COX15: variants seen among roughly 807,000 people sequenced by gnomAD.
COX15 encodes the protein heme A synthase COX15.
A neutral mutation model predicts 51.9 loss-of-function variants in COX15; 51 were observed. The observed-to-expected ratio is 0.98, with a 90% confidence interval of 0.78 to 1.24. The LOEUF (loss-of-function observed/expected upper bound fraction) is 1.24. Ranked by LOEUF, COX15 falls within the 50% of genes most tolerant of loss-of-function variation. The pLI is 0.00. For missense variants in COX15, 420 were observed against 501.1 expected (o/e 0.84, Z 1.55); for synonymous variants, 188 against 190.5 (o/e 0.99, Z 0.11).
At position 99,714,479 on chromosome 10, in the gene COX15, G is replaced by A. The variant is rs1051576333; in HGVS notation, c.*108C>T. The A allele has an allele frequency of 3.2e-6, 5 of 1,584,046 alleles. No homozygotes were observed. The highest frequency in any genetic ancestry group is 4.3e-6 in the Non-Finnish European group (5 of 1,168,012). ...GATTTTTAAGTAAGTTGACCATTTG[G>A]AAACCACTTGGTATGTCAAGGTCAT... On this transcript the variant is annotated 3_prime_UTR_variant, in exon 9 of 9. Transcript: ENST00000016171.
chr10:99,698,654 A>G, the COX15 span: 1 of 1,614,202 alleles, frequency 6.2e-7, no homozygotes, highest in African/African-American at 1.3e-5. Flanking sequence ...GAGGAAGAGG[A>G]GACTGGGTGT....
intron 5 of COX15, among the ~76,000 whole-genome samples, chr10:99,723,736 A>T (rs1040968301): frequency 6.6e-6 from 1 of 152,176 alleles, no homozygotes; most frequent in African/African-American, 2.4e-5. Flanking sequence ...TCACTTTGCC[A>T]TCCACCATCC....
In COX15 at chr10:99,713,629, G is replaced by A; in HGVS notation, c.*958C>T. On this transcript the variant is annotated 3_prime_UTR_variant, in exon 9 of 9. Coordinates refer to ENST00000016171, the MANE Select transcript of COX15 (RefSeq NM_078470.6). The stretch of plus-strand genomic sequence containing the variant: ...ACCCTCTCAGGAACCAATTTATACT[G>A]TCGATTCCATTCCTCTCTCTGACCT... 2 of 1,127,452 alleles carry A rather than the reference G, an allele frequency of 1.8e-6. No homozygotes were observed. Among genetic ancestry groups the A allele is most frequent in the Non-Finnish European group, 2.5e-6 (2 of 790,908 alleles). The allele number at this position is 1,127,452 out of a possible 1,614,324, so 69.8% of individuals were successfully genotyped here. A position where few individuals can be genotyped will look rare whatever the true frequency, so the allele number is the denominator to read the frequency against.
At position 99,713,335 on chromosome 10, in the gene COX15, G is replaced by T; in HGVS notation, c.*1252C>A. ...TTTCTAATCTGTTTAATTTCATCTC[G>T]ATGGGGTCATTCTGGGACTGTTTTC... On this transcript the variant is annotated 3_prime_UTR_variant, in exon 9 of 9. Coordinates refer to ENST00000016171, the MANE Select transcript of COX15 (RefSeq NM_078470.6). 6.2e-7 allele frequency: 1 copy of T among 1,608,674 alleles called. No individual in the cohort carries two copies. The highest frequency in any genetic ancestry group is 8.5e-7 in the Non-Finnish European group (1 of 1,176,982).
chr10:99,721,000 A>G lies in COX15; in HGVS notation c.819T>C (p.Leu273=). The change falls in exon 6 of 9, where the codon CTT becomes CTC. Residue 273 remains leucine, a synonymous_variant. Transcript: ENST00000016171. ...FAHGTAGLVF[L]TALSGAFVAG... Reference sequence around the variant, plus strand: ...GCTGAGTCCTACCTGAGAGGGCCGTAAGGAACACCAGACCTGCTGTTCCAT... The same window carrying G: ...GCTGAGTCCTACCTGAGAGGGCCGTGAGGAACACCAGACCTGCTGTTCCAT... 9 of 1,613,780 alleles carry G rather than the reference A, an allele frequency of 5.6e-6. No individual in the cohort carries two copies. Among genetic ancestry groups the G allele is most frequent in the Non-Finnish European group, 7.6e-6 (9 of 1,179,886 alleles).
chr10:99,709,988 C>G (rs1049983162), downstream of COX15: 18 of 985,288 alleles, frequency 1.8e-5, no homozygotes, highest in Non-Finnish European at 2.2e-5. Flanking sequence ...CATTGCTTGC[C>G]ATTTTTATGA....
downstream of COX15, chr10:99,709,626 C>G: frequency 2.0e-6 from 2 of 985,416 alleles, no homozygotes; most frequent in African/African-American, 3.5e-5. Flanking sequence ...CTCATTCTCT[C>G]ATAACCTGGA....
Position 99,713,219 on chromosome 10 carries a change from A to C in COX15, c.*1368T>G, listed in dbSNP as rs2036453272. On this transcript the variant is annotated 3_prime_UTR_variant, in exon 9 of 9. Coordinates refer to ENST00000016171, the MANE Select transcript of COX15 (RefSeq NM_078470.6). ...TTCATATTGAACCTGAGGACAACTA[A>C]AATCCCGTCTTTTTTATATGAAATG... is the stretch of plus-strand genomic sequence containing the variant. The C allele has an allele frequency of 7.2e-7, 1 of 1,397,934 alleles. No homozygotes were observed. Among genetic ancestry groups the C allele is most frequent in the African/African-American group, 1.5e-5 (1 of 68,728 alleles). 86.6% of individuals were successfully genotyped at this position (1,397,934 alleles called of 1,614,324 possible).
At chr10:99,698,879 A>G in the COX15 span, 1 of 1,570,162 alleles carries the variant, frequency 6.4e-7, no homozygotes, top group Non-Finnish European at 8.6e-7. Flanking sequence ...AATGATAAAC[A>G]TGGCTTATGC....
downstream of COX15, chr10:99,709,931 A>G: frequency 1.0e-6 from 1 of 985,456 alleles, no homozygotes; most frequent in Non-Finnish European, 1.2e-6. Flanking sequence ...GTAAAACTGA[A>G]TCATTACTCA....
the COX15 span, chr10:99,702,466 G>T: frequency 1.4e-6 from 2 of 1,471,708 alleles, no homozygotes; most frequent in South Asian, 1.4e-5. Flanking sequence ...GAAAGTATTA[G>T]AATTCTTTTC....
chr10:99,709,130 A>G (rs957693052), downstream of COX15: 1 of 983,742 alleles, frequency 1.0e-6, no homozygotes, highest in Non-Finnish European at 1.2e-6. Flanking sequence ...ACAACATCCA[A>G]GCAATTCATT....
chr10:99,716,506 T>C (rs1248146015), intron 7 of COX15, 45 bp from the exon 8 acceptor site: 2 of 1,334,560 alleles, frequency 1.5e-6, no homozygotes, highest in Non-Finnish European at 2.2e-6. Context: ...AAGTGCCAGG[T>C]TTCTAACTCA....
rs2036903274 is a variant in COX15 at position 99,724,964 on chromosome 10, G to A, written c.583-841C>T. ...TTTAAGCAAAACCACAGTTTATGGG[G>A]ATATAAGAAACCTGCAGTTGAATGC... On this transcript the variant is annotated intron_variant, in intron 4 of 8. Coordinates refer to ENST00000016171, the MANE Select transcript of COX15 (RefSeq NM_078470.6). 2.0e-5 allele frequency among the ~76,000 whole-genome samples: 3 copies of A among 152,216 alleles called. No homozygotes were observed. In the East Asian group the frequency reaches 5.8e-4, roughly 29 times the overall value.
At chr10:99,698,437 G>A in the COX15 span, 1 of 1,186,450 alleles carries the variant, frequency 8.4e-7, no homozygotes. Flanking sequence ...ATGAAAACCA[G>A]TAGTAAGATA....
At chr10:99,726,849 C>T in intron 4 of COX15, 119 bp downstream of exon 4, 2 of 995,676 alleles carry the variant, frequency 2.0e-6, no homozygotes, top group Admixed American at 4.7e-5. Flanking sequence ...TCACGCGCCA[C>T]TGCACTCCAG....
chr10:99,701,660 A>G, the COX15 span, among the ~76,000 whole-genome samples: 5 of 152,282 alleles, frequency 3.3e-5, no homozygotes, highest in East Asian at 9.6e-4. Flanking sequence ...GAATAGCAAC[A>G]TAAACCCTCA....
chr10:99,716,017 G>C (rs1198411804), intron 8 of COX15, among the ~76,000 whole-genome samples: 1 of 146,522 alleles, frequency 6.8e-6, no homozygotes, highest in South Asian at 2.2e-4. Flanking sequence ...AAACAGACAG[G>C]GTCTCACTCT....
chr10:99,713,548 T>C lies in COX15; in HGVS notation c.*1039A>G. 1 of 1,558,914 alleles carries C rather than the reference T, an allele frequency of 6.4e-7. No individual in the cohort carries two copies. Among genetic ancestry groups the C allele is most frequent in the Non-Finnish European group, 8.7e-7 (1 of 1,151,582 alleles). ...TCAACAATTTGTTTATCTGGGTAGATGTCCATGCACTACACCATCAAGGCC... is the reference window on the plus strand; with the variant it reads ...TCAACAATTTGTTTATCTGGGTAGACGTCCATGCACTACACCATCAAGGCC... On this transcript the variant is annotated 3_prime_UTR_variant, in exon 9 of 9. Transcript: ENST00000016171.
Sources: gnomAD v4.1 joint callset for allele counts (sites outside exome capture counted in the v4.1 genomes callset) on GRCh38, gnomAD v4.1.1 for gene constraint, MANE v1.5 for transcripts, NCBI Gene and HGNC (gene_info 2026-07-23, HGNC 2026-07-21) for gene names.